DCAF15: variants seen among roughly 807,000 people sequenced by gnomAD.
The protein encoded by DCAF15 is DDB1 and CUL4 associated factor 15.
A neutral mutation model predicts 68.0 loss-of-function variants in DCAF15; 24 were observed. The ratio of observed to expected loss-of-function variants is 0.35; its 90% CI spans 0.26 to 0.50. The LOEUF is 0.50. DCAF15 is among the 20% of genes least tolerant of loss of function. The pLI, the probability that DCAF15 is intolerant of heterozygous loss-of-function variation, is 0.98. For missense variants in DCAF15, 627 were observed against 830.6 expected, an observed-to-expected ratio of 0.75 and a Z score of 3.01; for synonymous variants, 376 against 341.6, an observed-to-expected ratio of 1.10 and a Z score of -1.11.
chr19:13,957,126 CCTTTCT>C (rs1568449497), intron 6 of DCAF15, among the ~76,000 whole-genome samples: 1 of 152,200 alleles, frequency 6.6e-6, no homozygotes, highest in Non-Finnish European at 1.5e-5. Flanking sequence ...GGGTAGCGCC[CCTTTCT>C]CTTAAGAAGA....
Position 13,954,576 on chromosome 19 carries a change from C to T in DCAF15, c.281C>T (p.Thr94Ile). 1 of 1,614,216 alleles carries T rather than the reference C, an allele frequency of 6.2e-7. No individual in the cohort carries two copies. Among genetic ancestry groups the T allele is most frequent in the Non-Finnish European group, 8.5e-7 (1 of 1,180,036 alleles). Reference sequence around the variant, plus strand: ...TGCGGCCGCTACGTCCTCTCCTACACCAGCAGCAGTGGGGATGACGACTTC... The same window carrying T: ...TGCGGCCGCTACGTCCTCTCCTACATCAGCAGCAGTGGGGATGACGACTTC... ...SKCGRYVLSY[T>I]SSSGDDDFSF... Residue 94 changes from threonine to isoleucine, a missense_variant, in exon 3 of 13, where the codon ACC (threonine) becomes ATC (isoleucine). Thr to Ile is a moderately conservative substitution (Grantham distance 89). This residue lies in a region of DCAF15 where 273 missense variants were observed against 393.7 expected (regional missense o/e 0.69). Coordinates refer to ENST00000254337, the MANE Select transcript of DCAF15 (RefSeq NM_138353.4).
At chr19:13,954,505 G>C in intron 2 of DCAF15, 21 bp from the exon 3 acceptor site, 3 of 1,614,068 alleles carry the variant, frequency 1.9e-6, no homozygotes, top group Non-Finnish European at 2.5e-6. Context: ...CCTGGCCGCT[G>C]TGCCCCCTCC....
rs1973112326 is a variant in DCAF15, at chr19:13,952,697, G to C, written c.132+53G>C. ...GCGCCGGAGGGTGGGGAGTAGGGAC[G>C]AGGGAGGCGGAGGGAGGAGGGCGTT... On this transcript the variant is annotated intron_variant, in intron 1 of 12. Transcript: ENST00000254337. 4 of 1,296,134 alleles carry C rather than the reference G, an allele frequency of 3.1e-6. No homozygotes were observed. The East Asian group carries it at 9.5e-5, about 31-fold the overall frequency. 80.3% of individuals were successfully genotyped at this position (1,296,134 alleles called of 1,614,324 possible).
intron 3 of DCAF15, 102 bp downstream of exon 3, chr19:13,954,763 T>TC: frequency 7.8e-7 from 1 of 1,278,212 alleles, no homozygotes; most frequent in East Asian, 2.3e-5. Flanking sequence ...ATGATCATCA[T>TC]GTACTCCTGG....
chr19:13,955,812 A>T, intron 3 of DCAF15, 100 bp from the exon 4 acceptor site: 2 of 1,221,620 alleles, frequency 1.6e-6, no homozygotes, highest in Non-Finnish European at 2.3e-6. Context: ...GGGTGCTCCT[A>T]CCCGCTCAGC....
Position 13,959,894 on chromosome 19 carries a change from A to AGGTGGGCCCAGGGCGGGCTG in DCAF15, c.1440+17_1440+18insTGGGTGGGCCCAGGGCGGGC. The AGGTGGGCCCAGGGCGGGCTG allele has an allele frequency of 2.7e-6, 4 of 1,499,462 alleles. No homozygotes were observed. The highest frequency in any genetic ancestry group is 1.5e-5 in the African/African-American group (1 of 67,964). The allele number at this position is 1,499,462 out of a possible 1,614,324, so 92.9% of individuals were successfully genotyped here. ...AGCGACTATGACATCGTCATTCTGG[A>AGGTGGGCCCAGGGCGGGCTG]GGTGGGCCCAGGGCGGGCAGGGTGG... On this transcript the variant is annotated frameshift_variant and splice_region_variant, in exon 9 of 13. Transcript: ENST00000254337. LOFTEE classifies it high-confidence loss of function.
intron 1 of DCAF15, chr19:13,952,947 CAGG>C: frequency 1.1e-6 from 1 of 913,752 alleles, no homozygotes; most frequent in East Asian, 3.0e-5. Flanking sequence ...CAGGGAGAAT[CAGG>C]AGGAAGGGGG....
Position 13,954,426 on chromosome 19 carries a change from C to T in DCAF15, c.219C>T (p.Phe73=). 2 of 1,614,002 alleles carry T rather than the reference C, an allele frequency of 1.2e-6. No homozygotes were observed. The highest frequency in any genetic ancestry group is 1.7e-6 in the Non-Finnish European group (2 of 1,180,002). Residue 73 remains phenylalanine (F), a synonymous_variant, in exon 2 of 13, where the codon TTC becomes TTT. Transcript: ENST00000254337. ...VSLKNIVDED[F]LYAGHIFLGF... ...TCAAGAACATTGTGGATGAGGACTT[C>T]CTCTATGCAGGGTGAGGCTGGGCCC... is the stretch of plus-strand genomic sequence containing the variant.
chr19:13,957,281 C>T (rs1973403429), intron 6 of DCAF15, among the ~76,000 whole-genome samples: 1 of 152,190 alleles, frequency 6.6e-6, no homozygotes, highest in African/African-American at 2.4e-5. Flanking sequence ...ATCATGCCAC[C>T]GGCTGGCAGC....
At chr19:13,956,297 C>G in intron 5 of DCAF15, 35 bp downstream of exon 5, 2 of 1,611,530 alleles carry the variant, frequency 1.2e-6, no homozygotes, top group Non-Finnish European at 1.7e-6. Flanking sequence ...CCTCTTCCCC[C>G]CTCCCCCCCT....
intron 6 of DCAF15, among the ~76,000 whole-genome samples, chr19:13,958,162 G>A (rs1973444161): frequency 6.6e-6 from 1 of 152,166 alleles, no homozygotes; most frequent in South Asian, 2.1e-4. Flanking sequence ...GCTTGCGAGG[G>A]TTGACGCCGC....
chr19:13,953,162 G>A (rs1364511585), intron 1 of DCAF15: 3 of 1,534,928 alleles, frequency 2.0e-6, no homozygotes, highest in East Asian at 2.6e-5. Context: ...TCCCTGGATA[G>A]GGCTGAGTCT....
intron 7 of DCAF15, 30 bp downstream of exon 7, chr19:13,959,509 C>T (rs1314467484): frequency 1.2e-6 from 2 of 1,610,526 alleles, no homozygotes; most frequent in Middle Eastern, 3.3e-4. Flanking sequence ...GTGACAGGGC[C>T]TGGGATGGAG....
intron 1 of DCAF15, among the ~76,000 whole-genome samples, chr19:13,954,061 G>A (rs1029040122): frequency 6.6e-6 from 1 of 152,176 alleles, no homozygotes; most frequent in Non-Finnish European, 1.5e-5. Context: ...GGGCGGTGAC[G>A]CTGGGCTCAG....
Position 13,952,560 on chromosome 19 carries a change from C to G in DCAF15, c.48C>G (p.Gly16=). ...KSERNSGAGS[G]GGGPGGAGGK... is the part of the protein sequence containing the mutation. The stretch of plus-strand genomic sequence containing the variant: ...AGCGGAACAGCGGGGCTGGGAGCGG[C>G]GGCGGCGGCCCCGGGGGAGCCGGAG... Residue 16 remains glycine, a synonymous_variant, in exon 1 of 13, where the codon GGC becomes GGG. Transcript: ENST00000254337. The G allele has an allele frequency of 3.2e-6, 4 of 1,262,856 alleles. No homozygotes were observed. The highest frequency in any genetic ancestry group is 4.0e-6 in the Non-Finnish European group (4 of 999,906). 78.2% of individuals were successfully genotyped at this position (1,262,856 alleles called of 1,614,324 possible). A position where few individuals can be genotyped will look rare whatever the true frequency, so the allele number is the denominator to read the frequency against.
chr19:13,953,692 T>A (rs1568447716), intron 1 of DCAF15, among the ~76,000 whole-genome samples: 1 of 152,122 alleles, frequency 6.6e-6, no homozygotes, highest in Non-Finnish European at 1.5e-5. Flanking sequence ...GCTGTTCGGA[T>A]ATCCCTGTGC....
intron 1 of DCAF15, 100 bp from the exon 2 acceptor site, chr19:13,954,240 C>A (rs115947812): frequency 3.1e-6 from 3 of 975,842 alleles, no homozygotes; most frequent in Admixed American, 2.0e-5. Flanking sequence ...TGGGCTGGGC[C>A]GGTCTGGACC....
Position 13,960,239 on chromosome 19 carries a change from A to T in DCAF15, c.1527-48A>T, listed in dbSNP as rs369281627. ...CTCAGGGTAGCCTGGGGCCTGGTTC[A>T]GGAGCCCGGCTGTCCCAGCGTTTGT... On this transcript the variant is annotated intron_variant, in intron 10 of 12. Coordinates refer to ENST00000254337, the MANE Select transcript of DCAF15 (RefSeq NM_138353.4). 257 of 1,596,476 alleles carry T rather than the reference A, an allele frequency of 1.6e-4. 2 individuals are homozygous for T. Among genetic ancestry groups the T allele is most frequent in the Non-Finnish European group, 2.1e-4 (243 of 1,165,230 alleles).
rs759331939 is a variant in DCAF15 at position 13,959,256 on chromosome 19, A to G, written c.996A>G (p.Lys332=). 9 of 1,612,266 alleles carry G rather than the reference A, an allele frequency of 5.6e-6. No individual in the cohort carries two copies. The highest frequency in any genetic ancestry group is 1.6e-4 in the Middle Eastern group (1 of 6,084). Residue 332 remains lysine (K), a synonymous_variant, in exon 7 of 13, where the codon AAA becomes AAG. Transcript: ENST00000254337. The part of the protein sequence containing the change: ...EFVADIFRRA[K]EAKGGVPEEA... ...TGGCTGACATCTTCCGCCGGGCCAA[A>G]GAGGCCAAGGGCGGGGTCCCTGAGG...
Sources: gnomAD v4.1 joint callset for allele counts (sites outside exome capture counted in the v4.1 genomes callset) on GRCh38, gnomAD v4.1.1 for gene constraint, gnomAD v4.1.1 regional missense constraint, MANE v1.5 for transcripts, NCBI Gene and HGNC (gene_info 2026-07-23, HGNC 2026-07-21) for gene names.